FARS2: variants seen among roughly 807,000 people sequenced by gnomAD.
FARS2 encodes phenylalanine--tRNA ligase, mitochondrial.
FARS2 carries 40 observed loss-of-function variants against 46.4 expected under a neutral mutation model. The observed-to-expected ratio is 0.86, with a 90% CI of 0.67 to 1.12. FARS2 has a LOEUF of 1.12. Ranked by LOEUF, FARS2 falls within the 50% of genes most tolerant of loss-of-function variation. FARS2 has a pLI of 0.00. For synonymous variants in FARS2, 234 were observed against 214.9 expected (o/e 1.09, Z -0.78); for missense variants, 513 against 567.9 (o/e 0.90, Z 0.98).
intron 6 of FARS2, among the ~76,000 whole-genome samples, chr6:5,615,642 A>G (rs1209353762): frequency 6.6e-6 from 1 of 151,844 alleles, no homozygotes; most frequent in Non-Finnish European, 1.5e-5. Context: ...TTTTCCCTCA[A>G]TTCTTTTTTA....
At chr6:5,652,263 G>A (rs1176405407) in intron 6 of FARS2, among the ~76,000 whole-genome samples, 1 of 152,212 alleles carries the variant, frequency 6.6e-6, no homozygotes, top group East Asian at 1.9e-4. Context: ...TAGAAGAGTT[G>A]AAAACAGGTC....
At chr6:5,702,827 G>A (rs905246316) in intron 6 of FARS2, among the ~76,000 whole-genome samples, 1 of 152,182 alleles carries the variant, frequency 6.6e-6, no homozygotes, top group Non-Finnish European at 1.5e-5. Context: ...CTAAGAGAAT[G>A]AGGAGGGAGG....
intron 6 of FARS2, among the ~76,000 whole-genome samples, chr6:5,749,853 C>T (rs1231279792): frequency 6.6e-6 from 1 of 151,870 alleles, no homozygotes; most frequent in African/African-American, 2.4e-5. Context: ...CAATCCAGGT[C>T]CACATCTGTG....
intron 2 of FARS2, among the ~76,000 whole-genome samples, chr6:5,372,076 G>A (rs1759097083): frequency 1.3e-5 from 2 of 151,898 alleles, no homozygotes; most frequent in African/African-American, 4.8e-5. Context: ...AACAAAGAGG[G>A]GTAGTTCCTC....
intron 4 of FARS2, among the ~76,000 whole-genome samples, chr6:5,522,787 A>T (rs917281480): frequency 6.6e-6 from 1 of 152,204 alleles, no homozygotes; most frequent in African/African-American, 2.4e-5. Context: ...GAGAAATTGG[A>T]CCTATTTAAC....
chr6:5,646,564 C>A (rs989486153), intron 6 of FARS2, among the ~76,000 whole-genome samples: 2 of 152,014 alleles, frequency 1.3e-5, no homozygotes, highest in East Asian at 1.9e-4. Context: ...TGAATCTGTT[C>A]GCTATAACTA....
intron 1 of FARS2, among the ~76,000 whole-genome samples, chr6:5,328,388 G>A (rs1344112430): frequency 1.3e-5 from 2 of 152,104 alleles, no homozygotes; most frequent in African/African-American, 2.4e-5. Flanking sequence ...ACAAAGTTAG[G>A]GGGTTTTGTT....
intron 6 of FARS2, among the ~76,000 whole-genome samples, chr6:5,637,412 C>T (rs1288926127): frequency 2.6e-5 from 4 of 152,196 alleles, no homozygotes; most frequent in African/African-American, 4.8e-5. Flanking sequence ...ACCCATGACC[C>T]GTGCAGCGTT....
At chr6:5,487,973 T>G (rs147462822) in intron 4 of FARS2, among the ~76,000 whole-genome samples, 13 of 152,194 alleles carry the variant, frequency 8.5e-5, no homozygotes, top group African/African-American at 3.1e-4. Context: ...AGCTGGACTC[T>G]GGGGCTTATT....
chr6:5,615,386 G>A (rs1190605378), intron 6 of FARS2, among the ~76,000 whole-genome samples: 3 of 151,892 alleles, frequency 2.0e-5, no homozygotes, highest in Admixed American at 6.6e-5. Flanking sequence ...TTTCTCCCTT[G>A]TGTACCTTCC....
At chr6:5,553,751 G>C (rs930930156) in intron 5 of FARS2, among the ~76,000 whole-genome samples, 1 of 152,134 alleles carries the variant, frequency 6.6e-6, no homozygotes. Context: ...GATGGAGCTT[G>C]TTAAAATGCA....
chr6:5,547,004 T>A (rs1268942547), intron 5 of FARS2, among the ~76,000 whole-genome samples: 1 of 152,010 alleles, frequency 6.6e-6, no homozygotes, highest in Non-Finnish European at 1.5e-5. Flanking sequence ...CAGGCTGGAG[T>A]GCAATGGCAT....
intron 3 of FARS2, among the ~76,000 whole-genome samples, chr6:5,417,944 G>A (rs532500250): frequency 5.1e-4 from 77 of 151,628 alleles, no homozygotes; most frequent in African/African-American, 1.6e-3. Flanking sequence ...TTGCATTTTG[G>A]ATAATTTCTA....
At chr6:5,448,247 C>T (rs982837851) in intron 4 of FARS2, among the ~76,000 whole-genome samples, 2 of 151,954 alleles carry the variant, frequency 1.3e-5, no homozygotes, top group Admixed American at 6.6e-5. Flanking sequence ...GAAGGGAAGG[C>T]GATGAGAAAG....
chr6:5,488,873 G>A (rs996048728), intron 4 of FARS2, among the ~76,000 whole-genome samples: 3 of 152,086 alleles, frequency 2.0e-5, no homozygotes, highest in East Asian at 1.9e-4. Context: ...TCAGGTGTTC[G>A]GATTTCTTTT....
chr6:5,440,034 C>T (rs1175044823), intron 4 of FARS2, among the ~76,000 whole-genome samples: 4 of 152,238 alleles, frequency 2.6e-5, no homozygotes, highest in Non-Finnish European at 5.9e-5. Flanking sequence ...ATTTACTTAG[C>T]CTTTTTCCCT....
intron 5 of FARS2, among the ~76,000 whole-genome samples, chr6:5,583,070 C>A (rs1773425388): frequency 6.6e-6 from 1 of 152,166 alleles, no homozygotes. Context: ...ACCAGTGACA[C>A]CCTCTAAACA....
At chr6:5,364,581 A>G (rs182932549) in intron 1 of FARS2, among the ~76,000 whole-genome samples, 102 of 152,364 alleles carry the variant, frequency 6.7e-4, no homozygotes, top group Non-Finnish European at 1.3e-3. Context: ...AACAGGGCTC[A>G]GCAAACTCTA....
chr6:5,616,119 C>A (rs188726576), intron 6 of FARS2, among the ~76,000 whole-genome samples: 1 of 151,212 alleles, frequency 6.6e-6, no homozygotes, highest in African/African-American at 2.4e-5. Context: ...CTCTTCACTT[C>A]CTCTCATTTG....
Sources: allele counts gnomAD v4.1 joint callset (sites outside exome capture counted in the v4.1 genomes callset), GRCh38; gene constraint gnomAD v4.1.1; transcripts MANE v1.5; gene names NCBI Gene and HGNC (gene_info 2026-07-23, HGNC 2026-07-21).